The following WDFY1 variants were observed in gnomAD, a reference collection of about 807,000 sequenced individuals.
WDFY1 encodes WD repeat and FYVE domain-containing protein 1.
A neutral mutation model predicts 56.4 loss-of-function variants in WDFY1; 32 were observed. The ratio of observed to expected loss-of-function variants is 0.57; its 90% confidence interval spans 0.43 to 0.76. WDFY1 has a LOEUF of 0.76. Among genes scored for constraint, WDFY1 ranks in the 30% least tolerant of loss-of-function variants. The pLI is 0.00. For synonymous variants in WDFY1, 192 were observed against 197.3 expected (o/e 0.97, Z 0.23); for missense variants, 480 against 545.7 (o/e 0.88, Z 1.20).
intron 3 of WDFY1, 78 bp downstream of exon 3, chr2:223,912,175 G>A: frequency 1.4e-6 from 2 of 1,414,132 alleles, no homozygotes; most frequent in Non-Finnish European, 9.6e-7. Flanking sequence ...AAGTTAACTG[G>A]CCAATATGGG....
chr2:223,902,702 AC>A (rs1320497837), intron 4 of WDFY1, among the ~76,000 whole-genome samples: 1 of 151,840 alleles, frequency 6.6e-6, no homozygotes, highest in Non-Finnish European at 1.5e-5. Flanking sequence ...ATAAATACTT[AC>A]AGGGTGTGTA....
intron 3 of WDFY1, among the ~76,000 whole-genome samples, chr2:223,911,098 G>C (rs1693690678): frequency 6.6e-6 from 1 of 152,086 alleles, no homozygotes; most frequent in Admixed American, 6.6e-5. Flanking sequence ...AATTCAAACA[G>C]GCATGAACCT....
intron 9 of WDFY1, among the ~76,000 whole-genome samples, chr2:223,882,979 T>A (rs1693101708): frequency 6.6e-6 from 1 of 152,180 alleles, no homozygotes; most frequent in African/African-American, 2.4e-5. Flanking sequence ...TCCTCCTGCC[T>A]CGGCCTCCCA....
intron 10 of WDFY1, among the ~76,000 whole-genome samples, chr2:223,881,499 T>C (rs1050003553): frequency 1.3e-5 from 2 of 152,072 alleles, no homozygotes; most frequent in Non-Finnish European, 2.9e-5. Flanking sequence ...TCTTCAAAAA[T>C]GGCTTAGGGG....
At chr2:223,896,376 A>G (rs1693377441) in intron 6 of WDFY1, among the ~76,000 whole-genome samples, 1 of 152,096 alleles carries the variant, frequency 6.6e-6, no homozygotes, top group Admixed American at 6.6e-5. Context: ...TCTCTGGGAC[A>G]TGGCAGGTGT....
At chr2:223,913,552 T>G (rs1693738796) in intron 2 of WDFY1, among the ~76,000 whole-genome samples, 1 of 152,204 alleles carries the variant, frequency 6.6e-6, no homozygotes, top group African/African-American at 2.4e-5. Context: ...CACAAAGATA[T>G]ATATACATAT....
chr2:223,914,714 T>C lies in WDFY1; in HGVS notation c.206-2388A>G, dbSNP rs187332015. ...AGCAATCAACCCTTCTAACCTCAGC[T>C]TGCTTATTCACAAAATGGTAAAAAT... On this transcript the variant is annotated intron_variant, in intron 2 of 11. Transcript: ENST00000233055. Among the ~76,000 whole-genome samples, 7 of 152,360 alleles carry C rather than the reference T, an allele frequency of 4.6e-5. No individual in the cohort carries two copies. The East Asian group carries it at 1.2e-3, about 25-fold the overall frequency.
chr2:223,921,789 G>A lies in WDFY1; in HGVS notation c.138-3779C>T, dbSNP rs183858820. On this transcript the variant is annotated intron_variant, in intron 1 of 11. Transcript: ENST00000233055. ...TTCCTTTGGGTGTGTTAATGGTGTC[G>A]CTGTTTGTTTTTTAAGAATTAAACG... Among the ~76,000 whole-genome samples the A allele has an allele frequency of 4.6e-3, 693 of 152,178 alleles. 20 individuals are homozygous for A. The highest frequency in any genetic ancestry group is 0.041 in the Admixed American group (624 of 15,282).
intron 5 of WDFY1, 30 bp from the exon 6 acceptor site, chr2:223,899,100 A>G: frequency 6.4e-7 from 1 of 1,573,702 alleles, no homozygotes; most frequent in Non-Finnish European, 8.7e-7. Flanking sequence ...GATGTAGAAC[A>G]GAAATCACCT....
chr2:223,908,636 A>G (rs1693641512), intron 3 of WDFY1, among the ~76,000 whole-genome samples: 1 of 151,858 alleles, frequency 6.6e-6, no homozygotes. Flanking sequence ...GCTTTTCTCA[A>G]TGTACCTGCT....
chr2:223,895,642 TGAGAGA>T lies in WDFY1; in HGVS notation c.599-18_599-13del. ...GCAGGCGACACTACCTAGGGATTTG[TGAGAGA>T]GAGAGAGAGAGGGAGGCAGGGGAGA... On this transcript the variant is annotated splice_polypyrimidine_tract_variant and intron_variant, in intron 6 of 11. Coordinates refer to ENST00000233055, the MANE Select transcript of WDFY1 (RefSeq NM_020830.5). 3.8e-6 allele frequency: 6 copies of T among 1,567,194 alleles called. No homozygotes were observed. Among genetic ancestry groups the T allele is most frequent in the Non-Finnish European group, 3.5e-6 (4 of 1,147,092 alleles).
chr2:223,901,628 ATTTT>A (rs149356094), intron 4 of WDFY1, among the ~76,000 whole-genome samples: 1 of 144,420 alleles, frequency 6.9e-6, no homozygotes, highest in East Asian at 2.0e-4. Context: ...TAGAGAACAG[ATTTT>A]TTTTTTTTTT....
chr2:223,906,977 AT>A (rs1693607035), intron 3 of WDFY1, among the ~76,000 whole-genome samples: 6 of 150,586 alleles, frequency 4.0e-5, no homozygotes, highest in African/African-American at 7.3e-5. Context: ...TATTATTATT[AT>A]TATTATATTA....
At chr2:223,928,900 A>AGG (rs112122194) in intron 1 of WDFY1, among the ~76,000 whole-genome samples, 19 of 152,062 alleles carry the variant, frequency 1.2e-4, no homozygotes, top group Admixed American at 1.2e-3. Context: ...ATGTTATTGC[A>AGG]GGGGGGGTGA....
intron 1 of WDFY1, among the ~76,000 whole-genome samples, chr2:223,940,306 T>G (rs564317727): frequency 6.6e-6 from 1 of 152,284 alleles, no homozygotes; most frequent in Non-Finnish European, 1.5e-5. Flanking sequence ...AAATAAAGAT[T>G]ACAAACAGTC....
chr2:223,906,141 A>G (rs1028500269), intron 3 of WDFY1, 140 bp from the exon 4 acceptor site: 1 of 619,384 alleles, frequency 1.6e-6, no homozygotes. Context: ...TTTAGGAATG[A>G]TATGAATTGC....
Position 223,945,204 on chromosome 2 carries a change from G to C in WDFY1, c.81C>G (p.Val27=). ...LSKIEGHQDA[V]TAALLIPKED... Reference sequence around the variant, plus strand: ...CCTTGGGGATGAGCAGCGCGGCCGTGACGGCGTCCTGGTGCCCCTCGATCT... The same window carrying C: ...CCTTGGGGATGAGCAGCGCGGCCGTCACGGCGTCCTGGTGCCCCTCGATCT... The change falls in exon 1 of 12, where the codon GTC becomes GTG. Residue 27 remains valine, a synonymous_variant. Transcript: ENST00000233055. 1.3e-6 allele frequency: 2 copies of C among 1,599,472 alleles called. No individual in the cohort carries two copies. Among genetic ancestry groups the C allele is most frequent in the South Asian group, 1.1e-5 (1 of 90,176 alleles).
chr2:223,906,031 A>T, intron 3 of WDFY1, 30 bp from the exon 4 acceptor site: 3 of 1,494,360 alleles, frequency 2.0e-6, no homozygotes, highest in Non-Finnish European at 2.7e-6. Flanking sequence ...ATAAAAAATT[A>T]AAAGAGTTAT....
At chr2:223,899,375 A>C (rs1247300578) in intron 5 of WDFY1, 4 of 274,918 alleles carry the variant, frequency 1.5e-5, no homozygotes, top group Non-Finnish European at 2.8e-5. Context: ...TGGCAATAAA[A>C]AAAGAGCTGG....
Sources: gnomAD v4.1 joint callset for allele counts (sites outside exome capture counted in the v4.1 genomes callset) on GRCh38, gnomAD v4.1.1 for gene constraint, MANE v1.5 for transcripts, NCBI Gene and HGNC (gene_info 2026-07-23, HGNC 2026-07-21) for gene names.